The following FGD4 variants were observed in gnomAD, a reference collection of about 807,000 sequenced individuals.
FGD4 encodes FYVE, RhoGEF and PH domain containing 4.
A neutral mutation model predicts 102.0 loss-of-function variants in FGD4; 42 were observed. That is an observed-to-expected ratio of 0.41 (90% CI 0.32 to 0.53). FGD4 has a LOEUF of 0.53. FGD4 is among the 20% of genes least tolerant of loss of function. The pLI is 0.21. For missense variants in FGD4, 902 were observed against 1,078.2 expected, an observed-to-expected ratio of 0.84 and a Z score of 2.29; for synonymous variants, 380 against 375.7, an observed-to-expected ratio of 1.01 and a Z score of -0.13.
At chr12:32,429,709 A>G (rs1941982875) in intron 1 of FGD4, among the ~76,000 whole-genome samples, 1 of 152,198 alleles carries the variant, frequency 6.6e-6, no homozygotes, top group African/African-American at 2.4e-5. Flanking sequence ...TCTTTCAGAG[A>G]TGCTTTGTAC....
intron 1 of FGD4, among the ~76,000 whole-genome samples, chr12:32,447,495 TTTAAACA>T (rs147958764): frequency 0.038 from 5,798 of 152,326 alleles, 166 homozygotes; most frequent in South Asian, 0.12. Flanking sequence ...TGTCATTCTT[TTTAAACA>T]TTAGATTCCC....
intron 1 of FGD4, among the ~76,000 whole-genome samples, chr12:32,531,054 C>T (rs1187258455): frequency 1.4e-5 from 2 of 141,416 alleles, no homozygotes; most frequent in Non-Finnish European, 3.0e-5. Flanking sequence ...TGGGTTCAAG[C>T]GATTCTCCTG....
intron 1 of FGD4, among the ~76,000 whole-genome samples, chr12:32,505,257 G>A (rs1938600653): frequency 6.6e-6 from 1 of 152,240 alleles, no homozygotes; most frequent in South Asian, 2.1e-4. Flanking sequence ...ATTACCATGG[G>A]TGCAAGAAAT....
At chr12:32,421,725 G>T (rs1280432144) in intron 1 of FGD4, among the ~76,000 whole-genome samples, 1 of 152,120 alleles carries the variant, frequency 6.6e-6, no homozygotes, top group East Asian at 1.9e-4. Context: ...CATATGTGGT[G>T]CTGTCTCTAG....
chr12:32,515,444 T>A (rs1210539130), intron 1 of FGD4, among the ~76,000 whole-genome samples: 1 of 152,138 alleles, frequency 6.6e-6, no homozygotes, highest in Non-Finnish European at 1.5e-5. Context: ...ATGGAAGCAA[T>A]GAGGAAAAGA....
intron 1 of FGD4, among the ~76,000 whole-genome samples, chr12:32,401,157 G>T (rs907638952): frequency 6.6e-6 from 1 of 152,178 alleles, no homozygotes; most frequent in Admixed American, 6.5e-5. Flanking sequence ...AAATGAAAAT[G>T]ATTTACTTTG....
At chr12:32,536,022 G>A (rs1211725696) in intron 1 of FGD4, among the ~76,000 whole-genome samples, 1 of 151,042 alleles carries the variant, frequency 6.6e-6, no homozygotes, top group South Asian at 2.1e-4. Context: ...GGATAATTTT[G>A]TTAAATCATC....
At chr12:32,418,693 G>A (rs1565728956) in intron 1 of FGD4, among the ~76,000 whole-genome samples, 1 of 152,120 alleles carries the variant, frequency 6.6e-6, no homozygotes, top group African/African-American at 2.4e-5. Flanking sequence ...CTTGCCCAAG[G>A]CCCGGTGTAA....
At chr12:32,611,046 C>G (rs2136765688) in intron 9 of FGD4, 91 bp from the exon 10 acceptor site, 1 of 1,505,142 alleles carries the variant, frequency 6.6e-7, no homozygotes, top group Non-Finnish European at 9.2e-7. Context: ...CTAATCCCTT[C>G]TAAATTTAGA....
At chr12:32,574,876 A>G (rs1946002722) in intron 2 of FGD4, 1 of 152,194 alleles carries the variant, frequency 6.6e-6, no homozygotes. Flanking sequence ...AAGGTAAGAA[A>G]AGGATTTAAG....
intron 8 of FGD4, among the ~76,000 whole-genome samples, chr12:32,609,294 A>G (rs992954428): frequency 6.6e-6 from 1 of 152,128 alleles, no homozygotes; most frequent in African/African-American, 2.4e-5. Context: ...TCGGCTTGCC[A>G]TCTCCTCAAA....
intron 1 of FGD4, among the ~76,000 whole-genome samples, chr12:32,516,666 T>A (rs1420133516): frequency 1.3e-5 from 2 of 152,218 alleles, no homozygotes; most frequent in Non-Finnish European, 2.9e-5. Context: ...AACTCTCACA[T>A]TTAACATAGA....
At chr12:32,504,332 C>T (rs943499543) in intron 1 of FGD4, among the ~76,000 whole-genome samples, 9 of 152,104 alleles carry the variant, frequency 5.9e-5, no homozygotes, top group South Asian at 2.1e-4. Flanking sequence ...AGGGTACCTA[C>T]GGGACAGGAG....
intron 1 of FGD4, among the ~76,000 whole-genome samples, chr12:32,424,784 C>T (rs1941773996): frequency 6.6e-6 from 1 of 152,186 alleles, no homozygotes; most frequent in Admixed American, 6.5e-5. Flanking sequence ...GAGATGGTAT[C>T]TCACTGTGGT....
intron 1 of FGD4, among the ~76,000 whole-genome samples, chr12:32,537,125 GT>G (rs1565815713): frequency 6.6e-6 from 1 of 151,976 alleles, no homozygotes; most frequent in African/African-American, 2.4e-5. Flanking sequence ...AGCCAGGATG[GT>G]CTCAATCTCC....
chr12:32,455,330 T>G (rs1942920072), intron 1 of FGD4, among the ~76,000 whole-genome samples: 1 of 152,166 alleles, frequency 6.6e-6, no homozygotes, highest in Admixed American at 6.5e-5. Flanking sequence ...ATTTAGAGCC[T>G]TTTTAGACAT....
intron 1 of FGD4, among the ~76,000 whole-genome samples, chr12:32,495,108 G>A (rs1360137573): frequency 1.3e-5 from 2 of 152,010 alleles, no homozygotes; most frequent in Non-Finnish European, 2.9e-5. Flanking sequence ...CAGCTGCATA[G>A]TTTCCAGATA....
intron 1 of FGD4, among the ~76,000 whole-genome samples, chr12:32,497,784 C>A (rs1476858129): frequency 3.3e-5 from 5 of 152,178 alleles, no homozygotes. Flanking sequence ...TTGAACAATA[C>A]CTCCTGCTCG....
chr12:32,507,296 A>G (rs999925823), intron 1 of FGD4, among the ~76,000 whole-genome samples: 5 of 151,992 alleles, frequency 3.3e-5, no homozygotes, highest in Non-Finnish European at 7.4e-5. Flanking sequence ...TCCATGGTGT[A>G]TATGTGCCAC....
Sources: gnomAD v4.1 joint callset for allele counts (sites outside exome capture counted in the v4.1 genomes callset) on GRCh38, gnomAD v4.1.1 for gene constraint, MANE v1.5 for transcripts, NCBI Gene and HGNC (gene_info 2026-07-23, HGNC 2026-07-21) for gene names.